Variants in DLG5 observed in about 807,000 individuals in gnomAD.
DLG5 encodes the protein discs large MAGUK scaffold protein 5.
A neutral mutation model predicts 189.8 loss-of-function variants in DLG5; 48 were observed. The observed-to-expected ratio is 0.25, with a 90% confidence interval of 0.20 to 0.32. DLG5 has a LOEUF of 0.32. Ranked by LOEUF, DLG5 falls within the 10% of genes least tolerant of loss-of-function variation. The pLI is 1.00. For missense variants in DLG5, 2,160 were observed against 2,544.7 expected (o/e 0.85, Z 3.25); for synonymous variants, 1,016 against 1,054.1 (o/e 0.96, Z 0.70).
intron 21 of DLG5, 44 bp downstream of exon 21, chr10:77,812,171 G>A (rs1261192426): frequency 1.9e-6 from 3 of 1,600,764 alleles, no homozygotes. Context: ...GGGAAGAAGT[G>A]CAGGTTTCCA....
chr10:77,801,781 G>A (rs1172778751), intron 27 of DLG5, among the ~76,000 whole-genome samples: 1 of 152,220 alleles, frequency 6.6e-6, no homozygotes, highest in Non-Finnish European at 1.5e-5. Flanking sequence ...CAATGAGTGT[G>A]GCAGGCTGAC....
chr10:77,937,831 C>T, the DLG5 span, among the ~76,000 whole-genome samples: 1 of 150,346 alleles, frequency 6.7e-6, no homozygotes, highest in African/African-American at 2.5e-5. Context: ...GATTCTCCTG[C>T]CTCAGCCTCC....
intron 5 of DLG5, among the ~76,000 whole-genome samples, chr10:77,849,862 A>G (rs985914614): frequency 2.6e-5 from 4 of 152,186 alleles, no homozygotes; most frequent in African/African-American, 9.7e-5. Context: ...CCTTCTAAAA[A>G]AATAATATTT....
chr10:77,893,089 C>T (rs1385608306), intron 1 of DLG5, among the ~76,000 whole-genome samples: 2 of 152,236 alleles, frequency 1.3e-5, no homozygotes, highest in Non-Finnish European at 1.5e-5. Flanking sequence ...ACCACCAGAG[C>T]AGCCCCTCTC....
chr10:77,871,902 T>C (rs1280769294), intron 1 of DLG5, among the ~76,000 whole-genome samples: 1 of 152,158 alleles, frequency 6.6e-6, no homozygotes, highest in Non-Finnish European at 1.5e-5. Flanking sequence ...ACATGTTGCT[T>C]CAATATCTGT....
intron 8 of DLG5, 124 bp downstream of exon 8, chr10:77,835,613 GA>G: frequency 2.0e-6 from 2 of 1,021,136 alleles, no homozygotes; most frequent in Non-Finnish European, 1.4e-6. Flanking sequence ...GAGAAAGGAG[GA>G]GCCCAGGTCC....
chr10:77,858,989 C>T (rs148402412), intron 2 of DLG5, among the ~76,000 whole-genome samples: 1,852 of 152,224 alleles, frequency 0.012, 10 homozygotes, highest in Non-Finnish European at 0.019. Context: ...CCTCTCACCT[C>T]GGCCTCCTAA....
At chr10:77,816,919 G>T (rs1842084390) in intron 19 of DLG5, 88 bp downstream of exon 19, 2 of 1,477,804 alleles carry the variant, frequency 1.4e-6, no homozygotes, top group Admixed American at 1.7e-5. Context: ...AGATGACTAT[G>T]AAGTTCTCAG....
In DLG5 at chr10:77,865,237, A is replaced by C. The variant is rs189193047; in HGVS notation, c.373+3892T>G. On this transcript the variant is annotated intron_variant, in intron 2 of 31. Transcript: ENST00000372391. The stretch of plus-strand genomic sequence containing the variant: ...CCTATGAGTACCAAACACCTGCCCC[A>C]CAAGGAGGAGGCATTCCCATCTCTG... Among the ~76,000 whole-genome samples the C allele has an allele frequency of 5.1e-3, 782 of 152,216 alleles. 6 individuals carry two copies. The highest frequency in any genetic ancestry group is 0.027 in the Middle Eastern group (8 of 294).
At chr10:77,810,149 T>C (rs760500532) in intron 23 of DLG5, among the ~76,000 whole-genome samples, 6 of 152,228 alleles carry the variant, frequency 3.9e-5, no homozygotes, top group Non-Finnish European at 7.3e-5. Context: ...AAGAAGCTTC[T>C]ATAGACCAGC....
chr10:77,809,494 G>A lies in DLG5; in HGVS notation c.4647+53C>T, dbSNP rs892815097. 40 of 1,540,018 alleles carry A rather than the reference G, an allele frequency of 2.6e-5. No homozygotes were observed. The African/African-American group carries it at 5.5e-4, about 21-fold the overall frequency. On this transcript the variant is annotated intron_variant, in intron 24 of 31. Transcript: ENST00000372391. ...TTGGTGCCACCTGAGATGGCAGCAA[G>A]CCCACTGTGCAGGTAGATGGAGGCC...
intron 20 of DLG5, among the ~76,000 whole-genome samples, chr10:77,812,721 G>A (rs1323122944): frequency 6.6e-6 from 1 of 152,240 alleles, no homozygotes; most frequent in Non-Finnish European, 1.5e-5. Flanking sequence ...ACTCTGGGGG[G>A]TCTTGAGATG....
rs746922404 is a variant in DLG5, at chr10:77,821,190, G to A, written c.3294C>T (p.Leu1098=). 18 of 1,614,036 alleles carry A rather than the reference G, an allele frequency of 1.1e-5. No homozygotes were observed. The highest frequency in any genetic ancestry group is 1.4e-5 in the Non-Finnish European group (17 of 1,180,032). Residue 1098 remains leucine (L), a synonymous_variant, in exon 15 of 32, where the codon CTC becomes CTT. Transcript: ENST00000372391. ...LPAKKSCDED[L]TSQKVDELGQ... is the part of the protein sequence containing the mutation. ...CCAGCTCATCCACCTTCTGGGAGGT[G>A]AGGTCCTCATCACAGGATTTCTTGG...
Position 77,821,862 on chromosome 10 carries a change from C to T in DLG5, c.2622G>A (p.Gly874=), listed in dbSNP as rs982808699. 1 of 1,614,066 alleles carries T rather than the reference C, an allele frequency of 6.2e-7. No homozygotes were observed. The highest frequency in any genetic ancestry group is 8.5e-7 in the Non-Finnish European group (1 of 1,179,960). ...CCTGGGGGCAGACCTGCAAGGGTCC[C>T]CCAGGGAATGGCTTATGCAGAAAGG... ...SSSFLHKPFP[G]GPLQVCPQAC... The change falls in exon 15 of 32, where the codon GGG becomes GGA. Residue 874 remains glycine, a synonymous_variant. Transcript: ENST00000372391.
intron 30 of DLG5, 94 bp from the exon 31 acceptor site, chr10:77,794,211 AG>A (rs2154574740): frequency 9.1e-7 from 1 of 1,098,358 alleles, no homozygotes; most frequent in East Asian, 2.4e-5. Flanking sequence ...CCATCAAGGC[AG>A]GGGTAGGCTG....
intron 1 of DLG5, among the ~76,000 whole-genome samples, chr10:77,903,093 C>A (rs1030213161): frequency 6.6e-6 from 1 of 152,332 alleles, no homozygotes; most frequent in Non-Finnish European, 1.5e-5. Flanking sequence ...TGTACATACA[C>A]TTTGTTTCAT....
upstream of DLG5, among the ~76,000 whole-genome samples, chr10:77,930,033 GA>G (rs1446020887): frequency 6.6e-6 from 1 of 152,180 alleles, no homozygotes; most frequent in Admixed American, 6.5e-5. Flanking sequence ...TCTGGTCTTA[GA>G]AAAAGAGAGC....
chr10:77,935,102 C>T, the DLG5 span, among the ~76,000 whole-genome samples: 7 of 151,950 alleles, frequency 4.6e-5, no homozygotes, highest in Non-Finnish European at 7.4e-5. Flanking sequence ...GTGATCCGCC[C>T]GCCTCGGCGT....
chr10:77,817,140 A>T (rs766835114), intron 18 of DLG5, 44 bp from the exon 19 acceptor site: 2 of 1,545,960 alleles, frequency 1.3e-6, no homozygotes, highest in Admixed American at 3.3e-5. Context: ...TCATGGTTAA[A>T]CACCACCCTG....
Sources: gnomAD v4.1 joint callset for allele counts (sites outside exome capture counted in the v4.1 genomes callset) on GRCh38, gnomAD v4.1.1 for gene constraint, MANE v1.5 for transcripts, NCBI Gene and HGNC (gene_info 2026-07-23, HGNC 2026-07-21) for gene names.